Variants in GRIA2 observed in about 807,000 individuals in gnomAD.
GRIA2 encodes glutamate ionotropic receptor AMPA type subunit 2, also known as glutamate receptor 2.
A neutral mutation model predicts 97.3 loss-of-function variants in GRIA2; 14 were observed. The ratio of observed to expected loss-of-function variants is 0.14; its 90% CI spans 0.10 to 0.23. The LOEUF is 0.23. Ranked by LOEUF, GRIA2 falls within the 10% of genes least tolerant of loss-of-function variation. The probability of loss-of-function intolerance (pLI) is 1.00; values close to 1 mark genes in which losing one functional copy is unlikely to be tolerated. For synonymous variants in GRIA2, 412 were observed against 387.8 expected, an observed-to-expected ratio of 1.06 and a Z score of -0.73; for missense variants, 558 against 1,069.8, an observed-to-expected ratio of 0.52 and a Z score of 6.67.
At chr4:157,266,990 A>T (rs1202440014) in intron 2 of GRIA2, among the ~76,000 whole-genome samples, 1 of 152,002 alleles carries the variant, frequency 6.6e-6, no homozygotes, top group African/African-American at 2.4e-5. Flanking sequence ...AGGCAGAAGG[A>T]TCACTTGAGC....
chr4:157,349,313 T>C (rs1735900515), intron 12 of GRIA2, among the ~76,000 whole-genome samples: 1 of 152,308 alleles, frequency 6.6e-6, no homozygotes, highest in South Asian at 2.1e-4. Flanking sequence ...CCATTTTTCC[T>C]TTTATGTTAC....
At chr4:157,335,901 TAA>T in intron 10 of GRIA2, 24 bp downstream of exon 10, 2 of 1,426,006 alleles carry the variant, frequency 1.4e-6, no homozygotes, top group Non-Finnish European at 2.0e-6. Flanking sequence ...TTCTCATAGA[TAA>T]AGTCATTCAA....
intron 2 of GRIA2, among the ~76,000 whole-genome samples, chr4:157,222,454 A>T (rs894473838): frequency 6.6e-6 from 1 of 150,622 alleles, no homozygotes; most frequent in Non-Finnish European, 1.5e-5. Context: ...ACGCAGGCTC[A>T]GGCCGGCCGG....
intron 2 of GRIA2, among the ~76,000 whole-genome samples, chr4:157,233,323 T>C (rs1477799660): frequency 6.6e-6 from 1 of 152,168 alleles, no homozygotes. Context: ...CACTTACATC[T>C]TAGGATGTTG....
Position 157,280,720 on chromosome 4 carries a change from A to C in GRIA2, c.230-22832A>C, listed in dbSNP as rs141293952. On this transcript the variant is annotated intron_variant, in intron 2 of 15. Transcript: ENST00000264426. ...GTTCTAAGAGAGGAAGCCCCAGTGC[A>C]CAAGTGCTTATCATTCCTCTGCTTG... 1.4e-3 allele frequency among the ~76,000 whole-genome samples: 215 copies of C among 152,088 alleles called. 4 individuals are homozygous for C. Among genetic ancestry groups the C allele is most frequent in the East Asian group, 0.012 (63 of 5,126 alleles).
chr4:157,348,357 T>C (rs1287037147), intron 12 of GRIA2, among the ~76,000 whole-genome samples: 5 of 151,936 alleles, frequency 3.3e-5, no homozygotes, highest in Non-Finnish European at 7.4e-5. Context: ...CTTGAACTGA[T>C]CCTCCTGAGT....
intron 2 of GRIA2, among the ~76,000 whole-genome samples, chr4:157,293,054 A>C (rs1733178174): frequency 6.6e-6 from 1 of 152,186 alleles, no homozygotes; most frequent in Non-Finnish European, 1.5e-5. Context: ...TGAAACAATG[A>C]AAAATATCAA....
At chr4:157,252,720 T>G (rs1445789817) in intron 2 of GRIA2, among the ~76,000 whole-genome samples, 1 of 152,112 alleles carries the variant, frequency 6.6e-6, no homozygotes, top group Non-Finnish European at 1.5e-5. Flanking sequence ...CCAGTGGATT[T>G]TTAATGGAAT....
At chr4:157,299,645 A>G (rs1165802153) in intron 2 of GRIA2, among the ~76,000 whole-genome samples, 2 of 152,156 alleles carry the variant, frequency 1.3e-5, no homozygotes, top group South Asian at 4.1e-4. Flanking sequence ...CACCATCAGC[A>G]TTGTTGTTGG....
intron 2 of GRIA2, among the ~76,000 whole-genome samples, chr4:157,275,575 C>T (rs960148156): frequency 6.6e-6 from 1 of 152,112 alleles, no homozygotes; most frequent in Non-Finnish European, 1.5e-5. Context: ...CCAGTTTCAG[C>T]TTTTTACATA....
intron 2 of GRIA2, among the ~76,000 whole-genome samples, chr4:157,288,523 G>A (rs935047451): frequency 6.6e-6 from 1 of 151,680 alleles, no homozygotes; most frequent in East Asian, 1.9e-4. Context: ...ATAGTGGATA[G>A]CATATGGCCC....
chr4:157,259,924 T>C (rs1465084978), intron 2 of GRIA2, among the ~76,000 whole-genome samples: 1 of 152,170 alleles, frequency 6.6e-6, no homozygotes, highest in South Asian at 2.1e-4. Flanking sequence ...TCCTTGCTCA[T>C]ACATTCTTCT....
intron 2 of GRIA2, among the ~76,000 whole-genome samples, chr4:157,240,774 A>T (rs556835016): frequency 4.0e-4 from 61 of 151,492 alleles, no homozygotes; most frequent in African/African-American, 1.5e-3. Flanking sequence ...TTAGTTACAT[A>T]TGTATACATG....
intron 14 of GRIA2, chr4:157,362,382 T>C: frequency 2.2e-6 from 1 of 457,120 alleles, no homozygotes; most frequent in Non-Finnish European, 4.4e-6. Flanking sequence ...AAAACTTGCT[T>C]CTACAATCAC....
chr4:157,355,845 TTATTTA>T (rs1736269101), intron 12 of GRIA2, among the ~76,000 whole-genome samples: 1 of 60,262 alleles, frequency 1.7e-5, no homozygotes, highest in Non-Finnish European at 3.5e-5. Context: ...TTTTATATAT[TTATTTA>T]TATATATGTA....
intron 2 of GRIA2, among the ~76,000 whole-genome samples, chr4:157,258,858 G>A (rs1001044100): frequency 6.6e-5 from 10 of 152,036 alleles, no homozygotes; most frequent in South Asian, 2.1e-4. Flanking sequence ...TATCGGGGGC[G>A]GGTTCCCCCG....
intron 2 of GRIA2, among the ~76,000 whole-genome samples, chr4:157,232,284 C>A (rs1362541820): frequency 1.3e-5 from 2 of 152,170 alleles, no homozygotes; most frequent in East Asian, 3.9e-4. Flanking sequence ...AAGCATCTCT[C>A]ATCATTGCAA....
chr4:157,247,134 G>T (rs1326553974), intron 2 of GRIA2, among the ~76,000 whole-genome samples: 4 of 152,140 alleles, frequency 2.6e-5, no homozygotes, highest in Non-Finnish European at 4.4e-5. Flanking sequence ...TGAACACATT[G>T]TGCTCTCCAT....
intron 4 of GRIA2, among the ~76,000 whole-genome samples, chr4:157,315,932 C>A (rs1383256169): frequency 6.6e-6 from 1 of 152,108 alleles, no homozygotes; most frequent in Non-Finnish European, 1.5e-5. Context: ...ATTAATATAA[C>A]TTTTCCATTG....
Sources: allele counts gnomAD v4.1 joint callset (sites outside exome capture counted in the v4.1 genomes callset), GRCh38; gene constraint gnomAD v4.1.1; transcripts MANE v1.5; gene names NCBI Gene and HGNC (gene_info 2026-07-23, HGNC 2026-07-21).